CTNNA3: variants seen among roughly 807,000 people sequenced by gnomAD.
CTNNA3 encodes the protein catenin alpha 3.
In CTNNA3, 76 loss-of-function variants were observed where a neutral mutation model predicts 95.7. The ratio of observed to expected loss-of-function variants is 0.79; its 90% CI spans 0.66 to 0.96. The LOEUF (loss-of-function observed/expected upper bound fraction) is 0.96, where lower values mean the gene tolerates loss of function less well. Ranked by LOEUF, CTNNA3 falls within the 40% of genes least tolerant of loss-of-function variation. The probability of loss-of-function intolerance (pLI) is 0.00; values close to 1 mark genes in which losing one functional copy is unlikely to be tolerated. For synonymous variants in CTNNA3, 431 were observed against 374.4 expected (o/e 1.15, Z -1.74); for missense variants, 1,191 against 1,089.8 (o/e 1.09, Z -1.31).
intron 12 of CTNNA3, among the ~76,000 whole-genome samples, chr10:66,289,629 A>G (rs1001512631): frequency 6.6e-6 from 1 of 152,010 alleles, no homozygotes; most frequent in African/African-American, 2.4e-5. Context: ...TTTTAAATGC[A>G]GTAGGGGAGC....
chr10:67,699,827 T>G (rs1259601906), upstream of CTNNA3, among the ~76,000 whole-genome samples: 1 of 152,330 alleles, frequency 6.6e-6, no homozygotes, highest in Non-Finnish European at 1.5e-5. Context: ...AGCCACTGCC[T>G]CACTCGGAAA....
At chr10:67,131,279 T>A (rs1308060590) in intron 7 of CTNNA3, among the ~76,000 whole-genome samples, 1 of 152,060 alleles carries the variant, frequency 6.6e-6, no homozygotes, top group Non-Finnish European at 1.5e-5. Flanking sequence ...TATGATACAA[T>A]TTATTCAAGC....
intron 13 of CTNNA3, among the ~76,000 whole-genome samples, chr10:66,226,000 C>G (rs898182788): frequency 2.0e-5 from 3 of 152,088 alleles, no homozygotes; most frequent in African/African-American, 7.2e-5. Context: ...AATATTTTCT[C>G]CCATTCTACA....
intron 11 of CTNNA3, among the ~76,000 whole-genome samples, chr10:66,442,640 A>C (rs1279087340): frequency 6.6e-6 from 1 of 152,180 alleles, no homozygotes; most frequent in Non-Finnish European, 1.5e-5. Flanking sequence ...TCCTCAACAC[A>C]ATAAGAATGA....
chr10:67,642,918 T>C (rs141450894), intron 2 of CTNNA3, among the ~76,000 whole-genome samples: 17,806 of 148,326 alleles, frequency 0.12, 1,999 homozygotes, highest in African/African-American at 0.3. Context: ...CGTGGCGATT[T>C]CTCAAAGACC....
At chr10:66,277,866 G>T (rs922181446) in intron 13 of CTNNA3, among the ~76,000 whole-genome samples, 9 of 151,934 alleles carry the variant, frequency 5.9e-5, no homozygotes, top group African/African-American at 2.2e-4. Flanking sequence ...TTCAAACCAT[G>T]TACTTAGAGA....
chr10:66,599,054 C>A, intron 10 of CTNNA3, among the ~76,000 whole-genome samples: 1 of 151,850 alleles, frequency 6.6e-6, no homozygotes, highest in East Asian at 1.9e-4. Flanking sequence ...GACACATAGA[C>A]CAATGGAATA....
intron 11 of CTNNA3, among the ~76,000 whole-genome samples, chr10:66,406,224 C>CA (rs2093056022): frequency 6.6e-6 from 1 of 152,184 alleles, no homozygotes; most frequent in African/African-American, 2.4e-5. Context: ...TGAGGACCAT[C>CA]ATTTAGAATG....
rs145376905 is a variant in CTNNA3 at position 67,415,385 on chromosome 10, C to T, written c.579+106457G>A. 2.6e-5 allele frequency among the ~76,000 whole-genome samples: 4 copies of T among 152,234 alleles called. No homozygotes were observed. The East Asian group carries it at 7.7e-4, about 29-fold the overall frequency. ...CAGGCTGAGAGTAAAATCTAGAACA[C>T]AATTCCACTTACAATAGCCACAAAT... On this transcript the variant is annotated intron_variant, in intron 5 of 17. Transcript: ENST00000433211.
chr10:67,627,519 AAAAAT>A (rs140049168), intron 2 of CTNNA3, among the ~76,000 whole-genome samples: 5,397 of 152,318 alleles, frequency 0.035, 96 homozygotes, highest in Middle Eastern at 0.078. Flanking sequence ...ATAACTGTTA[AAAAAT>A]ATTTTTCAAT....
intron 5 of CTNNA3, among the ~76,000 whole-genome samples, chr10:67,477,606 G>C (rs141934339): frequency 2.6e-5 from 4 of 152,176 alleles, no homozygotes; most frequent in Non-Finnish European, 5.9e-5. Flanking sequence ...ACCCATCATT[G>C]TCTACAGTCA....
At position 65,992,810 on chromosome 10, in the gene CTNNA3, T is replaced by C. The variant is rs142935188; in HGVS notation, c.2160-4013A>G. 5.3e-3 allele frequency among the ~76,000 whole-genome samples: 812 copies of C among 152,278 alleles called. 8 individuals carry two copies. The highest frequency in any genetic ancestry group is 0.019 in the African/African-American group (774 of 41,592). ...ATTTAGCTTGTTCTTGCTTTTCTAA[T>C]TCCTTGATGTGCATCATTAGATTGT... On this transcript the variant is annotated intron_variant, in intron 15 of 17. Coordinates refer to ENST00000433211, the MANE Select transcript of CTNNA3 (RefSeq NM_013266.4).
chr10:66,358,256 G>T (rs2092626549), intron 12 of CTNNA3, among the ~76,000 whole-genome samples: 1 of 152,080 alleles, frequency 6.6e-6, no homozygotes, highest in African/African-American at 2.4e-5. Flanking sequence ...CTGTCCTCTG[G>T]CCTGAGAAAG....
intron 17 of CTNNA3, among the ~76,000 whole-genome samples, chr10:65,932,448 A>G (rs2077269793): frequency 6.6e-6 from 1 of 152,178 alleles, no homozygotes; most frequent in East Asian, 1.9e-4. Flanking sequence ...CTATAATCCT[A>G]GTAACAGCCT....
intron 13 of CTNNA3, among the ~76,000 whole-genome samples, chr10:66,266,513 G>C (rs1287096889): frequency 6.6e-6 from 1 of 151,968 alleles, no homozygotes; most frequent in Non-Finnish European, 1.5e-5. Context: ...CTTGCATTTT[G>C]ATTAGCAATT....
chr10:66,031,032 A>G (rs969755022), intron 15 of CTNNA3, among the ~76,000 whole-genome samples: 2 of 152,170 alleles, frequency 1.3e-5, no homozygotes, highest in African/African-American at 4.8e-5. Flanking sequence ...GTCTCACATG[A>G]CTTTATTAAA....
At chr10:66,693,777 C>G (rs974908585) in intron 9 of CTNNA3, among the ~76,000 whole-genome samples, 10 of 152,120 alleles carry the variant, frequency 6.6e-5, no homozygotes, top group Non-Finnish European at 1.3e-4. Context: ...GACCACAGTG[C>G]AATCAAACTA....
chr10:67,492,642 A>G (rs1445073169), intron 5 of CTNNA3, among the ~76,000 whole-genome samples: 5 of 152,256 alleles, frequency 3.3e-5, no homozygotes, highest in Non-Finnish European at 7.3e-5. Flanking sequence ...TAGATTAATC[A>G]GAGAAATCCA....
At chr10:66,729,258 T>A (rs182549195) in intron 9 of CTNNA3, among the ~76,000 whole-genome samples, 20 of 152,262 alleles carry the variant, frequency 1.3e-4, no homozygotes, top group Non-Finnish European at 2.6e-4. Flanking sequence ...AGAAATACCA[T>A]CTCATGCCAG....
Sources: gnomAD v4.1 joint callset for allele counts (sites outside exome capture counted in the v4.1 genomes callset) on GRCh38, gnomAD v4.1.1 for gene constraint, MANE v1.5 for transcripts, NCBI Gene and HGNC (gene_info 2026-07-23, HGNC 2026-07-21) for gene names.